Variants in SPHK2 observed in about 807,000 individuals in gnomAD.
The protein encoded by SPHK2 is sphingosine kinase 2.
Under a neutral mutation model 32.3 loss-of-function variants are expected in SPHK2, and 18 were observed. The ratio of observed to expected loss-of-function variants is 0.56; its 90% confidence interval spans 0.39 to 0.83. SPHK2 has a LOEUF of 0.83. Ranked by LOEUF, SPHK2 falls within the 40% of genes least tolerant of loss-of-function variation. SPHK2 has a pLI of 0.00. For synonymous variants in SPHK2, 462 were observed against 417.6 expected (o/e 1.11, Z -1.30); for missense variants, 850 against 908.7 (o/e 0.94, Z 0.83).
rs1161739757 is a variant in SPHK2 at position 48,629,368 on chromosome 19, G to A, written c.1560G>A (p.Leu520=). The A allele has an allele frequency of 1.9e-6, 3 of 1,612,052 alleles. No homozygotes were observed. The highest frequency in any genetic ancestry group is 1.7e-5 in the Admixed American group (1 of 59,956). Residue 520 remains leucine (L), a synonymous_variant, in exon 7 of 7, where the codon CTG becomes CTA. Transcript: ENST00000245222. ...ASTCGPPDHL[L]PPLGTPLPPD... ...CCTGCGGCCCGCCCGACCACCTGCT[G>A]CCTCCGCTGGGCACCCCGCTGCCCC...
At chr19:48,625,302 G>T in intron 2 of SPHK2, 1 of 1,111,686 alleles carries the variant, frequency 9.0e-7, no homozygotes, top group Non-Finnish European at 1.1e-6. Context: ...TCACCTCATT[G>T]ACCCTGTTTG....
At position 48,628,960 on chromosome 19, in the gene SPHK2, A is replaced by T. The variant is rs756669606; in HGVS notation, c.1152A>T (p.Glu384Asp). 2 of 1,613,516 alleles carry T rather than the reference A, an allele frequency of 1.2e-6. No individual in the cohort carries two copies. Among genetic ancestry groups the T allele is most frequent in the Non-Finnish European group, 1.7e-6 (2 of 1,179,940 alleles). ...GRLSYLPATV[E>D]PASPTPAHSL... ...TCTCCTACCTCCCCGCCACTGTGGA[A>T]CCTGCCTCGCCCACCCCTGCCCATA... Residue 384 changes from glutamate (E) to aspartate (D), a missense_variant, in exon 7 of 7, where the codon GAA (glutamate) becomes GAT (aspartate). Around this residue, in one of 2 missense-constraint regions of SPHK2, gnomAD observed 544 missense variants for 640.0 expected, o/e 0.85. Coordinates refer to ENST00000245222, the MANE Select transcript of SPHK2 (RefSeq NM_020126.5). The surrounding 1 kb of genome is among the most constrained non-coding windows in gnomAD (Gnocchi z 5.2).
chr19:48,627,859 T>C lies in SPHK2; in HGVS notation c.661+18T>C. On this transcript the variant is annotated intron_variant, in intron 4 of 6. Coordinates refer to ENST00000245222, the MANE Select transcript of SPHK2 (RefSeq NM_020126.5). ...CCAGACAGGTAAGGGCCAGTGAGAA[T>C]GGGAGCTGGGGGCTGGGACAGCTGA... 6.2e-7 allele frequency: 1 copy of C among 1,603,214 alleles called. No homozygotes were observed. The highest frequency in any genetic ancestry group is 8.5e-7 in the Non-Finnish European group (1 of 1,173,856).
intron 2 of SPHK2, 42 bp from the exon 3 acceptor site, chr19:48,625,849 G>C (rs989665966): frequency 1.3e-6 from 2 of 1,595,950 alleles, no homozygotes; most frequent in Non-Finnish European, 1.7e-6. Context: ...CCCCTGCCAT[G>C]GGGTCCTGAA....
chr19:48,619,862 G>A (rs1974331124), intron 1 of SPHK2: 1 of 153,478 alleles, frequency 6.5e-6, no homozygotes, highest in Non-Finnish European at 1.5e-5. Context: ...CTTGGGGGTG[G>A]GGGGAATGGA....
chr19:48,629,064 C>G lies in SPHK2; in HGVS notation c.1256C>G (p.Ser419Cys), dbSNP rs775328709. ...PPMAHSPLHR[S>C]VSDLPLPLPQ... Reference sequence around the variant, plus strand: ...ATGGCCCACTCACCCCTGCATCGTTCTGTGTCTGACCTGCCTCTTCCCCTG... The same window carrying G: ...ATGGCCCACTCACCCCTGCATCGTTGTGTGTCTGACCTGCCTCTTCCCCTG... The change falls in exon 7 of 7, where the codon TCT becomes TGT. Residue 419 changes from serine to cysteine, a missense_variant. Ser to Cys is a moderately radical substitution (Grantham distance 112). This residue lies in a region of SPHK2 where 544 missense variants were observed against 640.0 expected (regional missense o/e 0.85). Transcript: ENST00000245222. 3.7e-6 allele frequency: 6 copies of G among 1,613,164 alleles called. No individual in the cohort carries two copies. The highest frequency in any genetic ancestry group is 1.3e-5 in the African/African-American group (1 of 74,912).
intron 2 of SPHK2, chr19:48,625,571 G>A: frequency 7.2e-7 from 1 of 1,382,694 alleles, no homozygotes; most frequent in Non-Finnish European, 9.5e-7. Context: ...TCCTATGAAG[G>A]CAAGGATTTG....
chr19:48,628,378 C>CA lies in SPHK2; in HGVS notation c.872+102dup, dbSNP rs760811075. The CA allele has an allele frequency of 3.3e-5, 39 of 1,187,844 alleles. No homozygotes were observed. The Admixed American group carries it at 6.0e-4, about 18-fold the overall frequency. The allele number at this position is 1,187,844 out of a possible 1,614,324, so 73.6% of individuals were successfully genotyped here. On this transcript the variant is annotated intron_variant, in intron 6 of 6. Coordinates refer to ENST00000245222, the MANE Select transcript of SPHK2 (RefSeq NM_020126.5). The surrounding 1 kb of genome is among the most constrained non-coding windows in gnomAD (Gnocchi z 5.2). ...CAAACCCACAGTCAGTCAAGTAAAT[C>CA]AGCCTGCCTGTGGGATGCTCACCCC...
At position 48,629,931 on chromosome 19, in the gene SPHK2, G is replaced by A; in HGVS notation, c.*158G>A. 7.7e-6 allele frequency: 11 copies of A among 1,420,850 alleles called. No homozygotes were observed. Among genetic ancestry groups the A allele is most frequent in the East Asian group, 5.0e-5 (2 of 39,644 alleles). The allele number at this position is 1,420,850 out of a possible 1,614,324, so 88.0% of individuals were successfully genotyped here. A position where few individuals can be genotyped will look rare whatever the true frequency, so the allele number is the denominator to read the frequency against. The stretch of plus-strand genomic sequence containing the variant: ...CTTTCATGGGACCAGACGTGATGCT[G>A]GAAGGTGGGCGTCGTCACGGTTAAA... On this transcript the variant is annotated 3_prime_UTR_variant, in exon 7 of 7. Transcript: ENST00000245222.
At chr19:48,625,495 T>C in intron 2 of SPHK2, 14 of 1,223,010 alleles carry the variant, frequency 1.1e-5, no homozygotes, top group Non-Finnish European at 1.4e-5. Flanking sequence ...TGCCTTCTTT[T>C]CCCCCAAAGC....
At chr19:48,620,634 A>AG in intron 2 of SPHK2, 81 bp downstream of exon 2, 1 of 1,315,748 alleles carries the variant, frequency 7.6e-7, no homozygotes, top group Non-Finnish European at 1.0e-6. Context: ...AAAAAAAAAA[A>AG]AATTGGAGGC....
At chr19:48,622,770 T>G (rs1974456733) in intron 2 of SPHK2, among the ~76,000 whole-genome samples, 1 of 144,664 alleles carries the variant, frequency 6.9e-6, no homozygotes, top group African/African-American at 2.5e-5. Flanking sequence ...TTTTTTTTTT[T>G]TTTTTTTTTT....
intron 2 of SPHK2, chr19:48,624,024 C>G (rs955839849): frequency 6.6e-6 from 1 of 152,286 alleles, no homozygotes; most frequent in Admixed American, 6.5e-5. Flanking sequence ...GCCTTTGTTA[C>G]GCGTGTTAGA....
intron 2 of SPHK2, chr19:48,624,815 G>C: frequency 2.4e-6 from 2 of 829,068 alleles, no homozygotes; most frequent in Non-Finnish European, 2.9e-6. Context: ...CTGGACCCGA[G>C]AGAGCCGCTG....
chr19:48,626,006 A>G lies in SPHK2; in HGVS notation c.155A>G (p.His52Arg), dbSNP rs1293878896. 4 of 1,613,366 alleles carry G rather than the reference A, an allele frequency of 2.5e-6. No homozygotes were observed. Among genetic ancestry groups the G allele is most frequent in the Admixed American group, 1.7e-5 (1 of 60,002 alleles). Residue 52 changes from histidine (H) to arginine (R), a missense_variant, in exon 3 of 7, where the codon CAT (histidine) becomes CGT (arginine). His to Arg is a conservative substitution (Grantham distance 29, BLOSUM62 0). This residue lies in a region of SPHK2 where 544 missense variants were observed against 640.0 expected (regional missense o/e 0.85). Transcript: ENST00000245222. ...CTGGCTGCCAGCACCCCGCTCCTCCATGGCGAGTTTGGCTCCTACCCAGCC... is the reference window on the plus strand; with the variant it reads ...CTGGCTGCCAGCACCCCGCTCCTCCGTGGCGAGTTTGGCTCCTACCCAGCC... The part of the protein sequence containing the change: ...PPLAASTPLL[H>R]GEFGSYPARG...
In SPHK2 at chr19:48,629,075, C is replaced by T; in HGVS notation, c.1267C>T (p.Leu423=). ...ACCCCTGCATCGTTCTGTGTCTGAC[C>T]TGCCTCTTCCCCTGCCCCAGCCTGC... ...HSPLHRSVSD[L]PLPLPQPALA... is the part of the protein sequence containing the mutation. Residue 423 remains leucine, a synonymous_variant, in exon 7 of 7, where the codon CTG becomes TTG. Coordinates refer to ENST00000245222, the MANE Select transcript of SPHK2 (RefSeq NM_020126.5). 6.2e-7 allele frequency: 1 copy of T among 1,613,464 alleles called. No individual in the cohort carries two copies. Among genetic ancestry groups the T allele is most frequent in the South Asian group, 1.1e-5 (1 of 91,080 alleles).
chr19:48,627,544 G>GGCT (rs2030021616), intron 3 of SPHK2, 148 bp from the exon 4 acceptor site: 2 of 899,788 alleles, frequency 2.2e-6, no homozygotes, highest in Non-Finnish European at 1.7e-6. Context: ...GTTGGGGCAG[G>GGCT]GCTGCATACC....
At chr19:48,625,354 T>C in intron 2 of SPHK2, 1 of 1,155,912 alleles carries the variant, frequency 8.7e-7, no homozygotes, top group Non-Finnish European at 1.1e-6. Flanking sequence ...CCTATCTCTA[T>C]TGCGTTTGTG....
At position 48,629,481 on chromosome 19, in the gene SPHK2, A is replaced by G; in HGVS notation, c.1673A>G (p.His558Arg). The G allele has an allele frequency of 1.2e-6, 2 of 1,608,116 alleles. No individual in the cohort carries two copies. Among genetic ancestry groups the G allele is most frequent in the South Asian group, 1.1e-5 (1 of 90,646 alleles). The change falls in exon 7 of 7, where the codon CAT (histidine) becomes CGT (arginine). Residue 558 changes from histidine (H) to arginine (R), a missense_variant. Transcript: ENST00000245222. Reference sequence around the variant, plus strand: ...GGCGCTGACCTGGTGGCAGCTCCGCATGCGCGCTTCGACGACGGCCTGGTG... The same window carrying G: ...GGCGCTGACCTGGTGGCAGCTCCGCGTGCGCGCTTCGACGACGGCCTGGTG... ...HLGADLVAAPHARFDDGLVHL... is the reference protein window; with the variant it reads ...HLGADLVAAPRARFDDGLVHL...
Sources: allele counts gnomAD v4.1 joint callset (sites outside exome capture counted in the v4.1 genomes callset), GRCh38; gene constraint gnomAD v4.1.1; regional missense constraint gnomAD v4.1.1; non-coding constraint Gnocchi (gnomAD v3.1); transcripts MANE v1.5; gene names NCBI Gene and HGNC (gene_info 2026-07-23, HGNC 2026-07-21).